Variants in KCND2 observed in about 807,000 individuals in gnomAD.
The protein encoded by KCND2 is A-type voltage-gated potassium channel KCND2.
In KCND2, 16 loss-of-function variants were observed where a neutral mutation model predicts 54.4. The observed-to-expected ratio is 0.29, with a 90% CI of 0.20 to 0.45. KCND2 has a LOEUF of 0.45. KCND2 is among the 20% of genes least tolerant of loss of function. The pLI, the probability that KCND2 is intolerant of heterozygous loss-of-function variation, is 1.00. For missense variants in KCND2, 486 were observed against 824.2 expected, an observed-to-expected ratio of 0.59 and a Z score of 5.02; for synonymous variants, 317 against 310.7, an observed-to-expected ratio of 1.02 and a Z score of -0.21.
intron 1 of KCND2, among the ~76,000 whole-genome samples, chr7:120,557,605 A>G (rs940221320): frequency 2.0e-5 from 3 of 152,100 alleles, no homozygotes; most frequent in African/African-American, 7.2e-5. Flanking sequence ...GTCAACACCT[A>G]TAGTTTTCTT....
intron 1 of KCND2, among the ~76,000 whole-genome samples, chr7:120,325,813 A>G (rs1189242746): frequency 6.6e-6 from 1 of 152,110 alleles, no homozygotes; most frequent in African/African-American, 2.4e-5. Flanking sequence ...GTTTATGATC[A>G]CTGAGGTGGC....
intron 1 of KCND2, among the ~76,000 whole-genome samples, chr7:120,319,131 G>T (rs1034332982): frequency 1.3e-5 from 2 of 151,764 alleles, no homozygotes; most frequent in African/African-American, 4.8e-5. Context: ...TCTAAGCTGC[G>T]TTTCCTTCCC....
At chr7:120,379,851 A>G (rs1185722760) in intron 1 of KCND2, among the ~76,000 whole-genome samples, 5 of 152,036 alleles carry the variant, frequency 3.3e-5, no homozygotes, top group African/African-American at 4.8e-5. Flanking sequence ...ACTGAGACAC[A>G]CTATTTAAAA....
chr7:120,322,188 A>C (rs1407938578), intron 1 of KCND2, among the ~76,000 whole-genome samples: 1 of 152,108 alleles, frequency 6.6e-6, no homozygotes, highest in Non-Finnish European at 1.5e-5. Context: ...AAAAAAAAGC[A>C]TAATTAAAAT....
intron 1 of KCND2, among the ~76,000 whole-genome samples, chr7:120,383,387 A>G (rs1800939926): frequency 6.6e-6 from 1 of 152,008 alleles, no homozygotes; most frequent in Non-Finnish European, 1.5e-5. Context: ...AAATTACTTA[A>G]GAAACAATAT....
intron 1 of KCND2, among the ~76,000 whole-genome samples, chr7:120,386,113 AG>A (rs760293827): frequency 2.0e-5 from 3 of 152,132 alleles, no homozygotes; most frequent in Non-Finnish European, 2.9e-5. Context: ...GTTTGATGAT[AG>A]GGCAGACAAA....
chr7:120,566,310 C>G (rs993241066), intron 1 of KCND2, among the ~76,000 whole-genome samples: 1 of 151,950 alleles, frequency 6.6e-6, no homozygotes, highest in Non-Finnish European at 1.5e-5. Context: ...TTTGTGTCAC[C>G]ACTTTTTGTG....
At chr7:120,523,385 T>C (rs1450104436) in intron 1 of KCND2, among the ~76,000 whole-genome samples, 1 of 151,284 alleles carries the variant, frequency 6.6e-6, no homozygotes, top group Non-Finnish European at 1.5e-5. Flanking sequence ...TAATAAACTT[T>C]AAAATACTAA....
At chr7:120,339,060 T>A (rs1800198321) in intron 1 of KCND2, among the ~76,000 whole-genome samples, 1 of 151,704 alleles carries the variant, frequency 6.6e-6, no homozygotes, top group Non-Finnish European at 1.5e-5. Context: ...ATTATTTTTT[T>A]TTTTTTTGTA....
Position 120,587,084 on chromosome 7 carries a change from A to G in KCND2, c.1116-145819A>G, listed in dbSNP as rs189023388. Among the ~76,000 whole-genome samples the G allele has an allele frequency of 3.9e-5, 6 of 152,290 alleles. No individual in the cohort carries two copies. The East Asian group carries it at 1.2e-3, about 29-fold the overall frequency. ...ATATTAAGTATATTTTAATACATTT[A>G]CTATTTTAGCTCTATAAATCACTCT... On this transcript the variant is annotated intron_variant, in intron 1 of 5. Transcript: ENST00000331113.
intron 1 of KCND2, among the ~76,000 whole-genome samples, chr7:120,541,014 G>C (rs1458922972): frequency 6.6e-6 from 1 of 152,032 alleles, no homozygotes; most frequent in Non-Finnish European, 1.5e-5. Context: ...ATATGAAAAC[G>C]TAGAACAATA....
At chr7:120,538,670 G>A (rs1791941493) in intron 1 of KCND2, among the ~76,000 whole-genome samples, 1 of 152,116 alleles carries the variant, frequency 6.6e-6, no homozygotes, top group African/African-American at 2.4e-5. Context: ...TTATACAGAT[G>A]GACCAGAAGC....
At chr7:120,449,051 C>A (rs140231565) in intron 1 of KCND2, among the ~76,000 whole-genome samples, 1 of 152,112 alleles carries the variant, frequency 6.6e-6, no homozygotes, top group Admixed American at 6.6e-5. Context: ...TTTTCTCAGC[C>A]AGGCGCGGTG....
chr7:120,357,560 A>G (rs965717335), intron 1 of KCND2, among the ~76,000 whole-genome samples: 2 of 152,142 alleles, frequency 1.3e-5, no homozygotes, highest in African/African-American at 4.8e-5. Context: ...TTTAGAAATT[A>G]GGTAATTTTG....
intron 1 of KCND2, among the ~76,000 whole-genome samples, chr7:120,667,715 A>G (rs1345957013): frequency 6.6e-6 from 1 of 152,088 alleles, no homozygotes; most frequent in East Asian, 1.9e-4. Flanking sequence ...TTCTCATAGT[A>G]ATCTAATTTC....
chr7:120,667,164 C>T (rs4730972), intron 1 of KCND2, among the ~76,000 whole-genome samples: 58,208 of 151,772 alleles, frequency 0.38, 13,408 homozygotes, highest in African/African-American at 0.62. Flanking sequence ...AATAAGACTC[C>T]TACTATAGCA....
chr7:120,732,108 T>G (rs2116143442), intron 1 of KCND2, among the ~76,000 whole-genome samples: 1 of 152,130 alleles, frequency 6.6e-6, no homozygotes, highest in East Asian at 1.9e-4. Context: ...TGCATAGAGA[T>G]AGTTTTAAGC....
At chr7:120,632,975 A>T (rs1216806345) in intron 1 of KCND2, among the ~76,000 whole-genome samples, 1 of 152,208 alleles carries the variant, frequency 6.6e-6, no homozygotes, top group Admixed American at 6.5e-5. Context: ...TCTTGGCATA[A>T]GGAGAGGCTT....
At chr7:120,680,428 C>T (rs909508940) in intron 1 of KCND2, among the ~76,000 whole-genome samples, 5 of 152,044 alleles carry the variant, frequency 3.3e-5, no homozygotes, top group African/African-American at 4.8e-5. Flanking sequence ...ACTGTTTCAT[C>T]GCCGTATAAA....
Sources: allele counts gnomAD v4.1 joint callset (sites outside exome capture counted in the v4.1 genomes callset), GRCh38; gene constraint gnomAD v4.1.1; transcripts MANE v1.5; gene names NCBI Gene and HGNC (gene_info 2026-07-23, HGNC 2026-07-21).